Variants in THADA observed in about 807,000 individuals in gnomAD.
THADA encodes THADA armadillo repeat containing.
In THADA, 213 loss-of-function variants were observed where a neutral mutation model predicts 219.8. That is an observed-to-expected ratio of 0.97 (90% CI 0.87 to 1.09). The LOEUF (loss-of-function observed/expected upper bound fraction) is 1.09. Among genes scored for constraint, THADA ranks in the 50% least tolerant of loss-of-function variants. THADA has a pLI of 0.00. For missense variants in THADA, 2,956 were observed against 2,311.3 expected, an observed-to-expected ratio of 1.28 and a Z score of -5.72; for synonymous variants, 1,018 against 828.9, an observed-to-expected ratio of 1.23 and a Z score of -3.92.
rs542445461 is a variant in THADA at position 43,474,635 on chromosome 2, A to C, written c.3836+10599T>G. Among the ~76,000 whole-genome samples, 9 of 152,102 alleles carry C rather than the reference A, an allele frequency of 5.9e-5. No homozygotes were observed. The South Asian group carries it at 1.5e-3, about 25-fold the overall frequency. ...TAGAAAATGGAACCAGCGGCATAAGAAGGCTTTGCTTATAGGGGGCAAAAG... is the reference window on the plus strand; with the variant it reads ...TAGAAAATGGAACCAGCGGCATAAGCAGGCTTTGCTTATAGGGGGCAAAAG... On this transcript the variant is annotated intron_variant, in intron 26 of 37. Coordinates refer to ENST00000405975, the MANE Select transcript of THADA (RefSeq NM_022065.5).
At chr2:43,432,676 A>T (rs989245666) in intron 26 of THADA, among the ~76,000 whole-genome samples, 1 of 152,148 alleles carries the variant, frequency 6.6e-6, no homozygotes, top group African/African-American at 2.4e-5. Context: ...CAGTCCTTTG[A>T]ACATTTGCTG....
chr2:43,318,014 C>T (rs906923315), intron 31 of THADA, among the ~76,000 whole-genome samples: 1 of 151,992 alleles, frequency 6.6e-6, no homozygotes, highest in Admixed American at 6.6e-5. Flanking sequence ...TTATTTTTCC[C>T]ATTCTAGTTG....
chr2:43,444,015 A>T (rs1049238625), intron 26 of THADA, among the ~76,000 whole-genome samples: 6 of 152,230 alleles, frequency 3.9e-5, no homozygotes, highest in African/African-American at 1.4e-4. Flanking sequence ...GAATCAAAGA[A>T]AACACCTGCC....
intron 24 of THADA, among the ~76,000 whole-genome samples, chr2:43,504,951 C>T (rs925382870): frequency 4.6e-5 from 7 of 152,136 alleles, no homozygotes; most frequent in Non-Finnish European, 8.8e-5. Flanking sequence ...CAGACTATAA[C>T]GTACAAGCAG....
chr2:43,344,929 T>C (rs1667476073), intron 29 of THADA, among the ~76,000 whole-genome samples: 1 of 152,214 alleles, frequency 6.6e-6, no homozygotes, highest in Non-Finnish European at 1.5e-5. Flanking sequence ...GGAGTACAAA[T>C]CTATAGCAGA....
intron 21 of THADA, among the ~76,000 whole-genome samples, chr2:43,538,917 T>C (rs895810016): frequency 1.3e-5 from 2 of 152,152 alleles, no homozygotes; most frequent in African/African-American, 4.8e-5. Context: ...TACTCCTATA[T>C]GGGGGATTTA....
At chr2:43,444,748 C>A (rs1681296297) in intron 26 of THADA, among the ~76,000 whole-genome samples, 3 of 151,990 alleles carry the variant, frequency 2.0e-5, no homozygotes. Flanking sequence ...GAGGTATCCA[C>A]ACACACCCAT....
At chr2:43,312,482 T>C (rs563353624) in intron 31 of THADA, among the ~76,000 whole-genome samples, 1 of 152,268 alleles carries the variant, frequency 6.6e-6, no homozygotes, top group African/African-American at 2.4e-5. Context: ...TTCTAAAGAA[T>C]TGTGGGCCTC....
chr2:43,570,291 A>G, intron 14 of THADA, 97 bp downstream of exon 14: 1 of 1,251,898 alleles, frequency 8.0e-7, no homozygotes, highest in Non-Finnish European at 1.1e-6. Flanking sequence ...CAGAAACACA[A>G]TTTACCAAGA....
chr2:43,422,434 C>G (rs941085718), intron 28 of THADA, among the ~76,000 whole-genome samples: 1 of 152,024 alleles, frequency 6.6e-6, no homozygotes, highest in African/African-American at 2.4e-5. Flanking sequence ...AATGGGGAGC[C>G]CAGAACAGAA....
chr2:43,301,996 C>T (rs1474976244), intron 31 of THADA, among the ~76,000 whole-genome samples: 1 of 152,132 alleles, frequency 6.6e-6, no homozygotes, highest in Admixed American at 6.5e-5. Context: ...TGAAGTTTAG[C>T]AGCCTTCTTC....
chr2:43,516,646 G>A (rs1234238472), intron 22 of THADA, among the ~76,000 whole-genome samples: 5 of 152,066 alleles, frequency 3.3e-5, no homozygotes, highest in Non-Finnish European at 5.9e-5. Context: ...TTTGCTCAAG[G>A]TTACATAGCA....
chr2:43,414,289 T>C (rs542864209), intron 28 of THADA, among the ~76,000 whole-genome samples: 2 of 152,362 alleles, frequency 1.3e-5, no homozygotes, highest in East Asian at 3.9e-4. Flanking sequence ...TACAGTTCAG[T>C]GGCATCAAGT....
At chr2:43,241,065 G>A (rs952199099) in intron 36 of THADA, among the ~76,000 whole-genome samples, 3 of 151,986 alleles carry the variant, frequency 2.0e-5, no homozygotes, top group Admixed American at 6.6e-5. Flanking sequence ...AGACTTCACC[G>A]GGCCCAGGTG....
intron 8 of THADA, among the ~76,000 whole-genome samples, chr2:43,581,453 C>T (rs1700435874): frequency 6.6e-6 from 1 of 150,692 alleles, no homozygotes; most frequent in Admixed American, 6.7e-5. Context: ...TCGCTTGAAC[C>T]TGGGATGTGA....
At chr2:43,506,447 T>C (rs913272822) in intron 23 of THADA, among the ~76,000 whole-genome samples, 3 of 152,076 alleles carry the variant, frequency 2.0e-5, no homozygotes, top group Non-Finnish European at 2.9e-5. Flanking sequence ...TCTGAAAACA[T>C]TACGATAAGT....
intron 28 of THADA, among the ~76,000 whole-genome samples, chr2:43,418,676 G>A (rs1033858807): frequency 2.9e-4 from 44 of 152,172 alleles, no homozygotes; most frequent in African/African-American, 1.0e-3. Context: ...GTGTAGGTGA[G>A]TGATAACCCC....
chr2:43,372,010 T>A (rs1670865365), intron 29 of THADA: 1 of 152,202 alleles, frequency 6.6e-6, no homozygotes, highest in Non-Finnish European at 1.5e-5. Flanking sequence ...TCCTGGGCGT[T>A]GAGTTTTTGT....
At chr2:43,432,874 C>T (rs558839356) in intron 26 of THADA, among the ~76,000 whole-genome samples, 1 of 152,098 alleles carries the variant, frequency 6.6e-6, no homozygotes, top group Non-Finnish European at 1.5e-5. Flanking sequence ...GTTGCTTTTC[C>T]TTGGTCATAT....
Sources: gnomAD v4.1 joint callset for allele counts (sites outside exome capture counted in the v4.1 genomes callset) on GRCh38, gnomAD v4.1.1 for gene constraint, MANE v1.5 for transcripts, NCBI Gene and HGNC (gene_info 2026-07-23, HGNC 2026-07-21) for gene names.